Variants in MAP3K1 observed in about 807,000 individuals in gnomAD.
MAP3K1 encodes the protein MAP/ERK kinase kinase 1.
MAP3K1 carries 36 observed loss-of-function variants against 144.2 expected under a neutral mutation model. The ratio of observed to expected loss-of-function variants is 0.25; its 90% confidence interval spans 0.19 to 0.33. The LOEUF is 0.33. Among genes scored for constraint, MAP3K1 ranks in the 10% least tolerant of loss-of-function variants. The pLI, the probability that MAP3K1 is intolerant of heterozygous loss-of-function variation, is 1.00. For missense variants in MAP3K1, 1,650 were observed against 1,881.9 expected (o/e 0.88, Z 2.28); for synonymous variants, 718 against 688.7 (o/e 1.04, Z -0.67).
intron 1 of MAP3K1, among the ~76,000 whole-genome samples, chr5:56,836,444 G>C (rs763769053): frequency 6.6e-6 from 1 of 152,090 alleles, no homozygotes; most frequent in Admixed American, 6.5e-5. Context: ...TTAGTTTTTA[G>C]AGAGTTAATT....
chr5:56,875,365 T>C (rs1471715449), intron 10 of MAP3K1, 55 bp downstream of exon 10: 1 of 1,581,010 alleles, frequency 6.3e-7, no homozygotes, highest in South Asian at 1.1e-5. Context: ...TTTTTGATGG[T>C]TCGTAGATAG....
chr5:56,816,034 C>G lies in MAP3K1; in HGVS notation c.461C>G (p.Ser154Cys). ...GEKRAPAAEPSPAAAPAGREM... is the reference protein window; with the variant it reads ...GEKRAPAAEPCPAAAPAGREM... ...AAGCGGGCGCCCGCCGCCGAGCCGT[C>G]TCCTGCAGCGGCCCCCGCCGGGTGA... is the stretch of plus-strand genomic sequence containing the variant. Residue 154 changes from serine to cysteine, a missense_variant, in exon 1 of 20, where the codon TCT (serine) becomes TGT (cysteine). This residue lies in a region of MAP3K1 where 360 missense variants were observed against 274.7 expected (regional missense o/e 1.31). Transcript: ENST00000399503. 1 of 1,219,810 alleles carries G rather than the reference C, an allele frequency of 8.2e-7. No individual in the cohort carries two copies. Among genetic ancestry groups the G allele is most frequent in the Non-Finnish European group, 1.0e-6 (1 of 981,744 alleles). 75.6% of individuals were successfully genotyped at this position (1,219,810 alleles called of 1,614,324 possible).
chr5:56,871,783 G>A, intron 6 of MAP3K1, 127 bp from the exon 7 acceptor site: 1 of 773,656 alleles, frequency 1.3e-6, no homozygotes. Flanking sequence ...GTATCTCTTA[G>A]TTATATAAGA....
At chr5:56,874,882 G>T (rs1747973938) in intron 9 of MAP3K1, 150 bp from the exon 10 acceptor site, 2 of 776,544 alleles carry the variant, frequency 2.6e-6, no homozygotes, top group Non-Finnish European at 4.4e-6. Context: ...TGATGCTTAA[G>T]TGGCTGGATA....
Position 56,872,632 on chromosome 5 carries a change from A to C in MAP3K1, c.1424-9A>C, listed in dbSNP as rs1747889609. The C allele has an allele frequency of 6.4e-7, 1 of 1,554,312 alleles. No homozygotes were observed. The highest frequency in any genetic ancestry group is 8.9e-7 in the Non-Finnish European group (1 of 1,128,398). ...ATTTTTGTAAGATTTTGTTTCTGTA[A>C]TTTTTCAGGGGCAGAAGAGTGTAGA... is the stretch of plus-strand genomic sequence containing the variant. On this transcript the variant is annotated splice_polypyrimidine_tract_variant and intron_variant, in intron 7 of 19. Transcript: ENST00000399503.
At position 56,894,661 on chromosome 5, in the gene MAP3K1, TAC is replaced by T. The variant is rs1191515689; in HGVS notation, c.*982_*983del. 1 of 232,212 alleles carries T rather than the reference TAC, an allele frequency of 4.3e-6. No individual in the cohort carries two copies. Among genetic ancestry groups the T allele is most frequent in the Non-Finnish European group, 8.5e-6 (1 of 117,532 alleles). 14.4% of individuals were successfully genotyped at this position (232,212 alleles called of 1,614,324 possible). ...AGGAAACTTCACAACATTTAAGTCT[TAC>T]TCTGTATGTAACAATCCATCATTCA... On this transcript the variant is annotated 3_prime_UTR_variant, in exon 20 of 20. Transcript: ENST00000399503.
At chr5:56,883,420 A>G (rs750598554) in intron 14 of MAP3K1, 107 bp from the exon 15 acceptor site, 4 of 1,021,238 alleles carry the variant, frequency 3.9e-6, no homozygotes, top group African/African-American at 1.6e-5. Context: ...GGTCACATTT[A>G]TAGGTGGTTT....
chr5:56,820,339 T>C (rs1260183068), intron 1 of MAP3K1: 2 of 731,970 alleles, frequency 2.7e-6, no homozygotes, highest in Non-Finnish European at 3.3e-6. Flanking sequence ...TTTCCACTAC[T>C]CTGCTTCTTC....
intron 1 of MAP3K1, among the ~76,000 whole-genome samples, chr5:56,816,307 G>A (rs1177256826): frequency 6.6e-6 from 1 of 152,108 alleles, no homozygotes; most frequent in African/African-American, 2.4e-5. Flanking sequence ...AGGCGTGCGA[G>A]CCTCTCTGCG....
At chr5:56,871,692 A>T (rs1366281061) in intron 6 of MAP3K1, among the ~76,000 whole-genome samples, 1 of 152,194 alleles carries the variant, frequency 6.6e-6, no homozygotes, top group Non-Finnish European at 1.5e-5. Context: ...CATAGCAAAG[A>T]AGGTTAACTC....
chr5:56,864,673 G>C, intron 3 of MAP3K1, 61 bp from the exon 4 acceptor site: 1 of 1,575,586 alleles, frequency 6.3e-7, no homozygotes, highest in Non-Finnish European at 8.7e-7. Flanking sequence ...ATGCCTGACC[G>C]GATAATAGTT....
intron 1 of MAP3K1, among the ~76,000 whole-genome samples, chr5:56,836,915 T>C (rs1313537188): frequency 6.6e-6 from 1 of 152,234 alleles, no homozygotes; most frequent in Admixed American, 6.5e-5. Context: ...GCCACCTTTG[T>C]ATCTTTGACA....
At chr5:56,819,452 G>A (rs943667435) in intron 1 of MAP3K1, among the ~76,000 whole-genome samples, 2 of 151,924 alleles carry the variant, frequency 1.3e-5, no homozygotes, top group Admixed American at 6.6e-5. Context: ...AAAAAAACCA[G>A]CTACAGCTTG....
At chr5:56,870,160 A>T (rs1402505897) in intron 6 of MAP3K1, among the ~76,000 whole-genome samples, 1 of 152,184 alleles carries the variant, frequency 6.6e-6, no homozygotes, top group East Asian at 1.9e-4. Flanking sequence ...AACCGCAATT[A>T]CTTTTGCACC....
At chr5:56,843,939 T>TA (rs1746896251) in intron 1 of MAP3K1, among the ~76,000 whole-genome samples, 1 of 152,124 alleles carries the variant, frequency 6.6e-6, no homozygotes, top group Admixed American at 6.5e-5. Flanking sequence ...ACAGGTTTCT[T>TA]AGAGTATGTT....
chr5:56,866,475 G>A (rs1747677600), intron 6 of MAP3K1, among the ~76,000 whole-genome samples: 2 of 152,170 alleles, frequency 1.3e-5, no homozygotes, highest in South Asian at 4.1e-4. Flanking sequence ...GTGAGTGTGT[G>A]TGTGTATATA....
At chr5:56,828,909 G>A (rs745563753) in intron 1 of MAP3K1, among the ~76,000 whole-genome samples, 9 of 151,752 alleles carry the variant, frequency 5.9e-5, no homozygotes, top group African/African-American at 1.9e-4. Flanking sequence ...AAAATGCATC[G>A]CTTGGTAACA....
chr5:56,872,597 AAACATTTAC>A, intron 7 of MAP3K1, 35 bp from the exon 8 acceptor site: 1 of 1,099,356 alleles, frequency 9.1e-7, no homozygotes, highest in East Asian at 2.4e-5. Context: ...AAATAATGTT[AAACATTTAC>A]ATTTTTGTAA....
rs368453738 is a variant in MAP3K1, at chr5:56,870,818, C to T, written c.1302-1092C>T. On this transcript the variant is annotated intron_variant, in intron 6 of 19. Transcript: ENST00000399503. ...AAGTACATCTCCACTTTTTGGTTTA[C>T]ATACTTAAAATATGTAGCGATAACA... Among the ~76,000 whole-genome samples the T allele has an allele frequency of 3.3e-5, 5 of 152,076 alleles. No homozygotes were observed. The South Asian group carries it at 8.3e-4, about 25-fold the overall frequency.
Sources: gnomAD v4.1 joint callset for allele counts (sites outside exome capture counted in the v4.1 genomes callset) on GRCh38, gnomAD v4.1.1 for gene constraint, gnomAD v4.1.1 regional missense constraint, MANE v1.5 for transcripts, NCBI Gene and HGNC (gene_info 2026-07-23, HGNC 2026-07-21) for gene names.